Variants in STAU1 observed in about 807,000 individuals in gnomAD.
STAU1 encodes staufen double-stranded RNA binding protein 1.
Under a neutral mutation model 62.9 loss-of-function variants are expected in STAU1, and 13 were observed. That is an observed-to-expected ratio of 0.21 (90% CI 0.13 to 0.33). The LOEUF (loss-of-function observed/expected upper bound fraction) is 0.33, where lower values mean the gene tolerates loss of function less well. Ranked by LOEUF, STAU1 falls within the 10% of genes least tolerant of loss-of-function variation. The pLI is 1.00. For synonymous variants in STAU1, 269 were observed against 265.1 expected, an observed-to-expected ratio of 1.01 and a Z score of -0.14; for missense variants, 571 against 712.1, an observed-to-expected ratio of 0.80 and a Z score of 2.25.
At chr20:49,163,720 C>A (rs1010881250) in intron 3 of STAU1, among the ~76,000 whole-genome samples, 3 of 152,108 alleles carry the variant, frequency 2.0e-5, no homozygotes, top group African/African-American at 7.2e-5. Flanking sequence ...CCACTGCAAC[C>A]GGCAAGGTAC....
chr20:49,140,517 C>T (rs2092985319), intron 5 of STAU1, among the ~76,000 whole-genome samples: 1 of 151,842 alleles, frequency 6.6e-6, no homozygotes, highest in Admixed American at 6.6e-5. Context: ...CAGAGACGAA[C>T]CTTGAAAACA....
intron 3 of STAU1, among the ~76,000 whole-genome samples, chr20:49,161,535 T>C (rs2093448403): frequency 6.6e-6 from 1 of 152,140 alleles, no homozygotes; most frequent in African/African-American, 2.4e-5. Context: ...GGGTTATAAA[T>C]GCACAAGCAG....
At chr20:49,141,389 G>A (rs2146107982) in intron 5 of STAU1, among the ~76,000 whole-genome samples, 1 of 152,328 alleles carries the variant, frequency 6.6e-6, no homozygotes, top group Non-Finnish European at 1.5e-5. Context: ...AGGAGTTCAA[G>A]ATCAGTCTAG....
chr20:49,206,719 T>TTATATATA, the STAU1 span, among the ~76,000 whole-genome samples: 1,414 of 105,892 alleles, frequency 0.013, 11 homozygotes, highest in Middle Eastern at 0.025. Context: ...AAATGAAATT[T>TTATATATA]TATATATATA....
chr20:49,136,348 T>G (rs2092883092), intron 5 of STAU1, among the ~76,000 whole-genome samples: 1 of 152,178 alleles, frequency 6.6e-6, no homozygotes, highest in South Asian at 2.1e-4. Flanking sequence ...TGGTAAACCT[T>G]AAAAGCACTG....
At chr20:49,142,550 C>T (rs1472259786) in intron 5 of STAU1, among the ~76,000 whole-genome samples, 1 of 152,102 alleles carries the variant, frequency 6.6e-6, no homozygotes, top group Non-Finnish European at 1.5e-5. Flanking sequence ...GCACTACAAT[C>T]ACTTGGGAGC....
Position 49,115,866 on chromosome 20 carries a change from G to A in STAU1, c.1634C>T (p.Ala545Val). Residue 545 changes from alanine to valine, a missense_variant and splice_region_variant, in exon 13 of 14, where the codon GCT becomes GTT. Transcript: ENST00000371856. ...CAGCAACTTTAAGATGTTCAGCGCAGCCTAGTGGGGATGGAAAGAAGGGTA... is the reference window on the plus strand; with the variant it reads ...CAGCAACTTTAAGATGTTCAGCGCAACCTAGTGGGGATGGAAAGAAGGGTA... ...GKDVESCHDMAALNILKLLSE... is the reference protein window; with the variant it reads ...GKDVESCHDMVALNILKLLSE... The A allele has an allele frequency of 6.2e-7, 1 of 1,613,932 alleles. No homozygotes were observed. Among genetic ancestry groups the A allele is most frequent in the Non-Finnish European group, 8.5e-7 (1 of 1,179,864 alleles).
intron 6 of STAU1, among the ~76,000 whole-genome samples, chr20:49,130,936 T>C (rs186449322): frequency 5.4e-5 from 8 of 147,470 alleles, no homozygotes; most frequent in African/African-American, 2.0e-4. Flanking sequence ...AGACTCCGTC[T>C]CAAAAAAAAA....
chr20:49,162,304 C>T (rs184078561), intron 3 of STAU1, among the ~76,000 whole-genome samples: 4 of 152,266 alleles, frequency 2.6e-5, no homozygotes, highest in Non-Finnish European at 4.4e-5. Context: ...TCCCAGAGGA[C>T]GGAAACAGTC....
chr20:49,130,035 G>A (rs1302012848), intron 6 of STAU1, among the ~76,000 whole-genome samples: 3 of 152,116 alleles, frequency 2.0e-5, no homozygotes, highest in African/African-American at 7.2e-5. Context: ...AATGTTTACA[G>A]TAGATTTATT....
At chr20:49,177,126 G>A (rs1219312001) in intron 1 of STAU1, among the ~76,000 whole-genome samples, 1 of 151,776 alleles carries the variant, frequency 6.6e-6, no homozygotes, top group Admixed American at 6.6e-5. Context: ...TAGCCAGGCT[G>A]GTCTCGATCT....
At chr20:49,118,511 CTG>C (rs1392702227) in intron 9 of STAU1, 103 bp from the exon 10 acceptor site, 1 of 909,370 alleles carries the variant, frequency 1.1e-6, no homozygotes, top group Non-Finnish European at 1.7e-6. Context: ...TCAGCAATAA[CTG>C]TGGCAATCGG....
intron 2 of STAU1, among the ~76,000 whole-genome samples, chr20:49,172,996 C>A (rs990880193): frequency 6.6e-6 from 1 of 151,412 alleles, no homozygotes; most frequent in Non-Finnish European, 1.5e-5. Flanking sequence ...TCCCGCCCCC[C>A]AACACCTGGC....
the STAU1 span, among the ~76,000 whole-genome samples, chr20:49,195,626 G>A: frequency 6.6e-6 from 1 of 150,720 alleles, no homozygotes. Flanking sequence ...AATGTAGGCT[G>A]GGCGCCGTGG....
chr20:49,188,432 C>T (rs1239920043), upstream of STAU1: 1 of 152,136 alleles, frequency 6.6e-6, no homozygotes, highest in Non-Finnish European at 1.5e-5. Flanking sequence ...CCCGGCCCCA[C>T]CCCCACCCAC....
the STAU1 span, among the ~76,000 whole-genome samples, chr20:49,203,442 T>C: frequency 6.6e-6 from 1 of 152,102 alleles, no homozygotes; most frequent in Non-Finnish European, 1.5e-5. Flanking sequence ...ATAAAATTGA[T>C]AAGTTTCTAA....
At chr20:49,127,214 C>T (rs983722276) in intron 6 of STAU1, among the ~76,000 whole-genome samples, 19 of 151,794 alleles carry the variant, frequency 1.3e-4, no homozygotes, top group African/African-American at 3.9e-4. Flanking sequence ...ATTAGCTGGG[C>T]GTGGTGGCGG....
At chr20:49,170,531 T>C (rs1310408854) in intron 2 of STAU1, among the ~76,000 whole-genome samples, 1 of 152,096 alleles carries the variant, frequency 6.6e-6, no homozygotes, top group Admixed American at 6.6e-5. Context: ...TTTTGTGTTT[T>C]TAGTAGAAAT....
rs1423096146 is a variant in STAU1 at position 49,123,124 on chromosome 20, C to T, written c.934G>A (p.Gly312Ser). 1 of 1,612,908 alleles carries T rather than the reference C, an allele frequency of 6.2e-7. No homozygotes were observed. The highest frequency in any genetic ancestry group is 1.1e-5 in the South Asian group (1 of 90,984). The part of the protein sequence containing the change: ...EPEYTLLTER[G>S]LPRRREFVMQ... ...ACAAACTCCCTGCGGCGCGGGAGGC[C>T]TCGCTCTGTGAGGAGCGTGTACTCT... The change falls in exon 8 of 14, where the codon GGC becomes AGC. Residue 312 changes from glycine (G) to serine (S), a missense_variant. This residue lies in a region of STAU1 where 414 missense variants were observed against 499.6 expected (regional missense o/e 0.83). Coordinates refer to ENST00000371856, the MANE Select transcript of STAU1 (RefSeq NM_017453.4).
Sources: gnomAD v4.1 joint callset for allele counts (sites outside exome capture counted in the v4.1 genomes callset) on GRCh38, gnomAD v4.1.1 for gene constraint, gnomAD v4.1.1 regional missense constraint, MANE v1.5 for transcripts, NCBI Gene and HGNC (gene_info 2026-07-23, HGNC 2026-07-21) for gene names.